Variants in YOD1 observed in about 807,000 individuals in gnomAD.
YOD1 encodes YOD1 deubiquitinase.
Under a neutral mutation model 23.7 loss-of-function variants are expected in YOD1, and 17 were observed. The ratio of observed to expected loss-of-function variants is 0.72; its 90% CI spans 0.49 to 1.07. The LOEUF (loss-of-function observed/expected upper bound fraction) is 1.07, where lower values mean the gene tolerates loss of function less well. Ranked by LOEUF, YOD1 falls within the 50% of genes least tolerant of loss-of-function variation. The probability of loss-of-function intolerance (pLI) is 0.00; values close to 1 mark genes in which losing one functional copy is unlikely to be tolerated. For synonymous variants in YOD1, 191 were observed against 169.6 expected (o/e 1.13, Z -0.98); for missense variants, 413 against 447.2 (o/e 0.92, Z 0.69).
chr1:207,048,564 A>G lies in YOD1; in HGVS notation c.*456T>C, dbSNP rs1006877582. On this transcript the variant is annotated 3_prime_UTR_variant, in exon 2 of 2. Coordinates refer to ENST00000315927, the MANE Select transcript of YOD1 (RefSeq NM_018566.4). ...AGTGGACTCACAGGAGGCCTTCCAC[A>G]TTACCCAAAATGTGATGCTTTCTTC... The G allele has an allele frequency of 6.3e-6, 1 of 157,866 alleles. No individual in the cohort carries two copies. Among genetic ancestry groups the G allele is most frequent in the Admixed American group, 6.1e-5 (1 of 16,450 alleles). The allele number at this position is 157,866 out of a possible 1,614,324, so 9.8% of individuals were successfully genotyped here.
chr1:207,052,421 G>A (rs1356188949), upstream of YOD1: 3 of 519,726 alleles, frequency 5.8e-6, no homozygotes, highest in Non-Finnish European at 1.0e-5. Flanking sequence ...CAGCACTTTG[G>A]GAGGCCGAGG....
In YOD1 at chr1:207,045,184, C is replaced by T. The variant is rs555258481; in HGVS notation, c.*3836G>A. 21 of 152,508 alleles carry T rather than the reference C, an allele frequency of 1.4e-4. No homozygotes were observed. Among genetic ancestry groups the T allele is most frequent in the South Asian group, 6.2e-4 (3 of 4,828 alleles). 9.4% of individuals were successfully genotyped at this position (152,508 alleles called of 1,614,324 possible). A position where few individuals can be genotyped will look rare whatever the true frequency, so the allele number is the denominator to read the frequency against. ...GCTTCCTTATAAGTCTGCTTGGAAA[C>T]AAGTTTTAAGGATCGAATCTTTTAG... is the stretch of plus-strand genomic sequence containing the variant. On this transcript the variant is annotated 3_prime_UTR_variant, in exon 2 of 2. Transcript: ENST00000315927.
upstream of YOD1, chr1:207,052,298 A>C: frequency 2.2e-6 from 3 of 1,392,908 alleles, no homozygotes; most frequent in Non-Finnish European, 3.1e-6. Flanking sequence ...TTGGTTCTTC[A>C]AGACGACTGC....
chr1:207,053,057 G>C (rs1281839374), upstream of YOD1: 1 of 152,206 alleles, frequency 6.6e-6, no homozygotes, highest in Non-Finnish European at 1.5e-5. Flanking sequence ...AAGCAACAGT[G>C]CCACCAGGCT....
Position 207,049,654 on chromosome 1 carries a change from G to A in YOD1, c.413C>T (p.Ala138Val). Residue 138 changes from alanine (A) to valine (V), a missense_variant, in exon 2 of 2, where the codon GCT becomes GTT. Ala to Val is a moderately conservative substitution (Grantham distance 64). Coordinates refer to ENST00000315927, the MANE Select transcript of YOD1 (RefSeq NM_018566.4). ...RSSPAFTKRG[A>V]SSYVRETLPV... ...CAAAGTTTCCCTGACGTAACTAGAA[G>A]CACCACGTTTAGTAAATGCAGGTGA... 1 of 1,614,188 alleles carries A rather than the reference G, an allele frequency of 6.2e-7. No homozygotes were observed. The highest frequency in any genetic ancestry group is 8.5e-7 in the Non-Finnish European group (1 of 1,180,040).
At chr1:207,050,580 G>GCC in intron 1 of YOD1, 108 bp downstream of exon 1, 2 of 1,469,154 alleles carry the variant, frequency 1.4e-6, no homozygotes, top group Non-Finnish European at 1.9e-6. Flanking sequence ...TGGCCTCAAA[G>GCC]CCCCCCCGCC....
At position 207,045,133 on chromosome 1, in the gene YOD1, GT is replaced by G. The variant is rs1558052372; in HGVS notation, c.*3886del. ...AAATGATGCCACTTGTATATGACAC[GT>G]TTAAGGCCTCTGACTCAAAAATCAG... is the stretch of plus-strand genomic sequence containing the variant. On this transcript the variant is annotated 3_prime_UTR_variant, in exon 2 of 2. Transcript: ENST00000315927. The G allele has an allele frequency of 1.3e-5, 2 of 152,352 alleles. No homozygotes were observed. The highest frequency in any genetic ancestry group is 4.8e-5 in the African/African-American group (2 of 41,424). 9.4% of individuals were successfully genotyped at this position (152,352 alleles called of 1,614,324 possible).
Position 207,047,615 on chromosome 1 carries a change from G to A in YOD1, c.*1405C>T, listed in dbSNP as rs1210853454. ...AATTATAATTTAGCATCCCTGATCA[G>A]AATAATTAAGAAAAGAGGTAGAAAA... On this transcript the variant is annotated 3_prime_UTR_variant, in exon 2 of 2. Coordinates refer to ENST00000315927, the MANE Select transcript of YOD1 (RefSeq NM_018566.4). 1 of 152,604 alleles carries A rather than the reference G, an allele frequency of 6.6e-6. No individual in the cohort carries two copies. Among genetic ancestry groups the A allele is most frequent in the Non-Finnish European group, 1.5e-5 (1 of 68,018 alleles). 9.5% of individuals were successfully genotyped at this position (152,604 alleles called of 1,614,324 possible).
rs1682674169 is a variant in YOD1, at chr1:207,049,260, A to G, written c.807T>C (p.Asp269=). ...VLLIYDGIHY[D]PLQRNFPDPD... ...GATCAGGGAAGTTACGCTGAAGTGGATCATAGTGGATGCCATCATAAATAA... is the reference window on the plus strand; with the variant it reads ...GATCAGGGAAGTTACGCTGAAGTGGGTCATAGTGGATGCCATCATAAATAA... The change falls in exon 2 of 2, where the codon GAT becomes GAC. Residue 269 remains aspartate (D), a synonymous_variant. Transcript: ENST00000315927. The G allele has an allele frequency of 6.2e-7, 1 of 1,614,154 alleles. No homozygotes were observed. Among genetic ancestry groups the G allele is most frequent in the Non-Finnish European group, 8.5e-7 (1 of 1,180,036 alleles).
In YOD1 at chr1:207,047,018, T is replaced by C. The variant is rs371219136; in HGVS notation, c.*2002A>G. ...TGCATAAAGCTCAATTTGATAATTGTTATCTAGTGGTATATTCTTAATTTA... is the reference window on the plus strand; with the variant it reads ...TGCATAAAGCTCAATTTGATAATTGCTATCTAGTGGTATATTCTTAATTTA... On this transcript the variant is annotated 3_prime_UTR_variant, in exon 2 of 2. Transcript: ENST00000315927. 1 of 152,358 alleles carries C rather than the reference T, an allele frequency of 6.6e-6. No individual in the cohort carries two copies. Among genetic ancestry groups the C allele is most frequent in the African/African-American group, 2.4e-5 (1 of 41,474 alleles). The allele number at this position is 152,358 out of a possible 1,614,324, so 9.4% of individuals were successfully genotyped here.
intron 1 of YOD1, among the ~76,000 whole-genome samples, chr1:207,050,486 C>G (rs1344701684): frequency 6.6e-6 from 1 of 152,196 alleles, no homozygotes; most frequent in Non-Finnish European, 1.5e-5. Context: ...GGTTCCCTTT[C>G]AACCCTGTGT....
rs181845723 is a variant in YOD1, at chr1:207,049,660, C to T, written c.407G>A (p.Arg136His). 6.8e-6 allele frequency: 11 copies of T among 1,614,166 alleles called. No individual in the cohort carries two copies. Among genetic ancestry groups the T allele is most frequent in the African/African-American group, 2.7e-5 (2 of 75,048 alleles). The change falls in exon 2 of 2, where the codon CGT becomes CAT. Residue 136 changes from arginine (R) to histidine (H), a missense_variant. Physicochemically the swap from Arg to His is conservative, Grantham distance 29 (BLOSUM62 0). Transcript: ENST00000315927. The stretch of plus-strand genomic sequence containing the variant: ...TTCCCTGACGTAACTAGAAGCACCA[C>T]GTTTAGTAAATGCAGGTGAACTTCT... Reference protein sequence around the residue: ...RPRSSPAFTKRGASSYVRETL... With the variant: ...RPRSSPAFTKHGASSYVRETL...
chr1:207,051,350 C>T (rs1484243630), upstream of YOD1, among the ~76,000 whole-genome samples: 1 of 152,130 alleles, frequency 6.6e-6, no homozygotes, highest in Non-Finnish European at 1.5e-5. Context: ...CCACACTACA[C>T]CCAGACTACA....
In YOD1 at chr1:207,047,607, C is replaced by T. The variant is rs1023631484; in HGVS notation, c.*1413G>A. Reference sequence around the variant, plus strand: ...ACATAACAAATTATAATTTAGCATCCCTGATCAGAATAATTAAGAAAAGAG... The same window carrying T: ...ACATAACAAATTATAATTTAGCATCTCTGATCAGAATAATTAAGAAAAGAG... On this transcript the variant is annotated 3_prime_UTR_variant, in exon 2 of 2. Transcript: ENST00000315927. 6.6e-6 allele frequency: 1 copy of T among 152,440 alleles called. No individual in the cohort carries two copies. Among genetic ancestry groups the T allele is most frequent in the Non-Finnish European group, 1.5e-5 (1 of 67,974 alleles). The allele number at this position is 152,440 out of a possible 1,614,324, so 9.4% of individuals were successfully genotyped here.
At position 207,049,273 on chromosome 1, in the gene YOD1, C is replaced by G; in HGVS notation, c.794G>C (p.Gly265Ala). The change falls in exon 2 of 2, where the codon GGC (glycine) becomes GCC (alanine). Residue 265 changes from glycine (G) to alanine (A), a missense_variant. Physicochemically the swap from Gly to Ala is moderately conservative, Grantham distance 60 (BLOSUM62 0). Coordinates refer to ENST00000315927, the MANE Select transcript of YOD1 (RefSeq NM_018566.4). ...ACGCTGAAGTGGATCATAGTGGATG[C>G]CATCATAAATAAGCAGAACCCTTTT... is the stretch of plus-strand genomic sequence containing the variant. Reference protein sequence around the residue: ...YTKRVLLIYDGIHYDPLQRNF... With the variant: ...YTKRVLLIYDAIHYDPLQRNF... The G allele has an allele frequency of 6.2e-7, 1 of 1,614,044 alleles. No homozygotes were observed. The highest frequency in any genetic ancestry group is 8.5e-7 in the Non-Finnish European group (1 of 1,180,028).
Position 207,051,119 on chromosome 1 carries a change from T to G in YOD1, c.-89A>C. Reference sequence around the variant, plus strand: ...TTAGCAAGCGCGAACTCTTTTAAAGTGACAACTGATTTTTCCCCCACCCTC... The same window carrying G: ...TTAGCAAGCGCGAACTCTTTTAAAGGGACAACTGATTTTTCCCCCACCCTC... On this transcript the variant is annotated 5_prime_UTR_variant, in exon 1 of 2. Coordinates refer to ENST00000315927, the MANE Select transcript of YOD1 (RefSeq NM_018566.4). 1 of 1,422,856 alleles carries G rather than the reference T, an allele frequency of 7.0e-7. No individual in the cohort carries two copies. Among genetic ancestry groups the G allele is most frequent in the East Asian group, 2.6e-5 (1 of 38,552 alleles). The allele number at this position is 1,422,856 out of a possible 1,614,324, so 88.1% of individuals were successfully genotyped here.
chr1:207,052,320 C>T (rs1442469714), upstream of YOD1: 1 of 1,208,170 alleles, frequency 8.3e-7, no homozygotes, highest in Non-Finnish European at 1.2e-6. Context: ...ACGGATGATA[C>T]AGCCTGGGTT....
At position 207,049,840 on chromosome 1, in the gene YOD1, A is replaced by C. The variant is rs567370143; in HGVS notation, c.344-117T>G. On this transcript the variant is annotated intron_variant, in intron 1 of 1. Coordinates refer to ENST00000315927, the MANE Select transcript of YOD1 (RefSeq NM_018566.4). ...AGTTAAAGCATAAACTGGGGTTACTAAGGAGAATACAGTTTTGCAAGTAAG... is the reference window on the plus strand; with the variant it reads ...AGTTAAAGCATAAACTGGGGTTACTCAGGAGAATACAGTTTTGCAAGTAAG... 132 of 902,648 alleles carry C rather than the reference A, an allele frequency of 1.5e-4. No individual in the cohort carries two copies. In the African/African-American group the frequency reaches 2.1e-3, roughly 14 times the overall value. The allele number at this position is 902,648 out of a possible 1,614,324, so 55.9% of individuals were successfully genotyped here.
rs780009774 is a variant in YOD1, at chr1:207,050,961, G to T, written c.70C>A (p.Gln24Lys). 8.1e-5 allele frequency: 126 copies of T among 1,555,960 alleles called. No homozygotes were observed. The highest frequency in any genetic ancestry group is 9.8e-5 in the Non-Finnish European group (112 of 1,148,150). The part of the protein sequence containing the change: ...PAPGFPGGVS[Q>K]QAAGTKAGPA... ...CCAGCTTTGGTCCCGGCAGCCTGTT[G>T]GGAGACGCCGCCGGGGAAACCAGGC... Residue 24 changes from glutamine to lysine, a missense_variant, in exon 1 of 2, where the codon CAA (glutamine) becomes AAA (lysine). Gln to Lys is a moderately conservative substitution (Grantham distance 53). Coordinates refer to ENST00000315927, the MANE Select transcript of YOD1 (RefSeq NM_018566.4).
Sources: gnomAD v4.1 joint callset for allele counts (sites outside exome capture counted in the v4.1 genomes callset) on GRCh38, gnomAD v4.1.1 for gene constraint, MANE v1.5 for transcripts, NCBI Gene and HGNC (gene_info 2026-07-23, HGNC 2026-07-21) for gene names.